The following ATP6V0D1 variants were observed in gnomAD, a reference collection of about 807,000 sequenced individuals.
ATP6V0D1 encodes the protein ATPase H+ transporting V0 subunit d1.
A neutral mutation model predicts 39.0 loss-of-function variants in ATP6V0D1; 13 were observed. The observed-to-expected ratio is 0.33, with a 90% CI of 0.22 to 0.53. The LOEUF is 0.53. ATP6V0D1 is among the 20% of genes least tolerant of loss of function. The pLI, the probability that ATP6V0D1 is intolerant of heterozygous loss-of-function variation, is 0.94. For missense variants in ATP6V0D1, 272 were observed against 470.9 expected (o/e 0.58, Z 3.91); for synonymous variants, 191 against 191.2 (o/e 1.00, Z 0.01).
intron 4 of ATP6V0D1, among the ~76,000 whole-genome samples, chr16:67,442,162 G>A (rs2041060217): frequency 6.6e-6 from 1 of 152,270 alleles, no homozygotes; most frequent in South Asian, 2.1e-4. Context: ...AACCCTCACT[G>A]TGCTCTGGCC....
intron 2 of ATP6V0D1, chr16:67,452,526 G>A (rs2041193089): frequency 8.4e-6 from 7 of 830,446 alleles, no homozygotes; most frequent in Admixed American, 8.0e-5. Flanking sequence ...AAGAGTGGGG[G>A]CACCATAATC....
In ATP6V0D1 at chr16:67,445,000, A is replaced by T. The variant is rs1004994529; in HGVS notation, c.303-294T>A. Among the ~76,000 whole-genome samples, 3 of 152,210 alleles carry T rather than the reference A, an allele frequency of 2.0e-5. No individual in the cohort carries two copies. The highest frequency in any genetic ancestry group is 7.2e-5 in the African/African-American group (3 of 41,446). On this transcript the variant is annotated intron_variant, in intron 2 of 7. Transcript: ENST00000290949. This position sits in a 1 kb window ranked among gnomAD's most constrained non-coding sequence, Gnocchi z 4.8. ...CACGAGCTAACTACCCCACAGCATGAACAGTGTTCTAACAGGACACAGGAA... is the reference window on the plus strand; with the variant it reads ...CACGAGCTAACTACCCCACAGCATGTACAGTGTTCTAACAGGACACAGGAA...
At chr16:67,443,226 A>C (rs2041074734) in intron 3 of ATP6V0D1, 48 bp from the exon 4 acceptor site, 1 of 1,585,894 alleles carries the variant, frequency 6.3e-7, no homozygotes, top group Non-Finnish European at 8.7e-7. Context: ...CCTAGGCCAG[A>C]ATCCTGATGT....
intron 1 of ATP6V0D1, among the ~76,000 whole-genome samples, chr16:67,466,106 T>C (rs1395063230): frequency 1.3e-5 from 2 of 152,120 alleles, no homozygotes; most frequent in African/African-American, 2.4e-5. Context: ...CTCAGACTCC[T>C]GGTCAGCATC....
chr16:67,468,334 T>C (rs1316616299), intron 1 of ATP6V0D1, among the ~76,000 whole-genome samples: 1 of 151,776 alleles, frequency 6.6e-6, no homozygotes, highest in Non-Finnish European at 1.5e-5. Context: ...ATGCATGTAA[T>C]CCCAGTACTT....
chr16:67,463,483 C>T (rs1232711859), intron 1 of ATP6V0D1, among the ~76,000 whole-genome samples: 1 of 151,136 alleles, frequency 6.6e-6, no homozygotes, highest in Non-Finnish European at 1.5e-5. Context: ...GTGTTCATGC[C>T]ACTGTCCTCC....
At chr16:67,459,833 C>T (rs1002471272) in intron 1 of ATP6V0D1, among the ~76,000 whole-genome samples, 1 of 152,256 alleles carries the variant, frequency 6.6e-6, no homozygotes, top group African/African-American at 2.4e-5. Flanking sequence ...GTTGGTCCCA[C>T]ATGCCCCAGG....
chr16:67,450,288 C>G (rs781233020), intron 2 of ATP6V0D1, among the ~76,000 whole-genome samples: 3 of 152,182 alleles, frequency 2.0e-5, no homozygotes, highest in Non-Finnish European at 2.9e-5. Context: ...TTCCCTCAAC[C>G]TAAAAACCCC....
chr16:67,442,877 C>G (rs115435620), intron 4 of ATP6V0D1, among the ~76,000 whole-genome samples: 4,489 of 152,252 alleles, frequency 0.029, 100 homozygotes, highest in South Asian at 0.063. Context: ...GCCACTCCTG[C>G]TGATTTTATC....
Position 67,444,390 on chromosome 16 carries a change from A to T in ATP6V0D1, c.481+138T>A, listed in dbSNP as rs1284889129. 1 of 878,662 alleles carries T rather than the reference A, an allele frequency of 1.1e-6. No homozygotes were observed. Among genetic ancestry groups the T allele is most frequent in the Non-Finnish European group, 1.7e-6 (1 of 596,414 alleles). 54.4% of individuals were successfully genotyped at this position (878,662 alleles called of 1,614,324 possible). ...GGAGAGAATCGGAGGAGGAAGTTGA[A>T]GGGAGACAAAGGTAAGCAGCAGTGG... On this transcript the variant is annotated intron_variant, in intron 3 of 7. Transcript: ENST00000290949. This position sits in a 1 kb window ranked among gnomAD's most constrained non-coding sequence, Gnocchi z 4.8.
In ATP6V0D1 at chr16:67,469,314, A is replaced by C. The variant is rs181978625; in HGVS notation, c.130+11643T>G. On this transcript the variant is annotated intron_variant, in intron 1 of 7. Coordinates refer to ENST00000290949, the MANE Select transcript of ATP6V0D1 (RefSeq NM_004691.5). ...CAAAGCAAGACTCCTTCTCAAAATAAATAAATAAATAAATAAATAATAAAA... is the reference window on the plus strand; with the variant it reads ...CAAAGCAAGACTCCTTCTCAAAATACATAAATAAATAAATAAATAATAAAA... 1.1e-3 allele frequency among the ~76,000 whole-genome samples: 164 copies of C among 152,200 alleles called. 1 individual carries two copies. In the Middle Eastern group the frequency reaches 0.014, roughly 13 times the overall value.
At position 67,438,471 on chromosome 16, in the gene ATP6V0D1, GCGCACA is replaced by G. The variant is rs1228890357; in HGVS notation, c.*51_*56del. 9 of 1,522,674 alleles carry G rather than the reference GCGCACA, an allele frequency of 5.9e-6. No homozygotes were observed. Among genetic ancestry groups the G allele is most frequent in the Non-Finnish European group, 8.1e-6 (9 of 1,114,252 alleles). 94.3% of individuals were successfully genotyped at this position (1,522,674 alleles called of 1,614,324 possible). ...CACATACACACACACGCACACACAC[GCGCACA>G]CACACACACACACACACAAAGAGTG... is the stretch of plus-strand genomic sequence containing the variant. On this transcript the variant is annotated 3_prime_UTR_variant, in exon 8 of 8. Coordinates refer to ENST00000290949, the MANE Select transcript of ATP6V0D1 (RefSeq NM_004691.5).
At chr16:67,439,568 T>C in intron 4 of ATP6V0D1, 1 of 594,320 alleles carries the variant, frequency 1.7e-6, no homozygotes, top group Non-Finnish European at 3.0e-6. Context: ...CACCCAGGAG[T>C]GCCAGGGCAG....
At chr16:67,451,148 A>AC (rs1489010717) in intron 2 of ATP6V0D1, among the ~76,000 whole-genome samples, 1 of 151,774 alleles carries the variant, frequency 6.6e-6, no homozygotes, top group Non-Finnish European at 1.5e-5. Context: ...AGCAAGGATG[A>AC]CCCCCCACTC....
At position 67,452,166 on chromosome 16, in the gene ATP6V0D1, G is replaced by A. The variant is rs191527846; in HGVS notation, c.302+1378C>T. 1,007 of 1,497,850 alleles carry A rather than the reference G, an allele frequency of 6.7e-4. 1 individual carries two copies. Among genetic ancestry groups the A allele is most frequent in the Admixed American group, 7.8e-4 (37 of 47,728 alleles). 92.8% of individuals were successfully genotyped at this position (1,497,850 alleles called of 1,614,324 possible). ...ATCAACAGATGGGGAGCTGCAATGT[G>A]ACCCCTAATGTAGCACCACAAGAGA... is the stretch of plus-strand genomic sequence containing the variant. On this transcript the variant is annotated intron_variant, in intron 2 of 7. Coordinates refer to ENST00000290949, the MANE Select transcript of ATP6V0D1 (RefSeq NM_004691.5).
At chr16:67,443,651 G>T (rs1394913459) in intron 3 of ATP6V0D1, among the ~76,000 whole-genome samples, 3 of 152,172 alleles carry the variant, frequency 2.0e-5, no homozygotes, top group Non-Finnish European at 2.9e-5. Context: ...GACCCAGGGG[G>T]CCACTGTGGG....
chr16:67,477,653 T>C (rs967134677), intron 1 of ATP6V0D1, among the ~76,000 whole-genome samples: 1 of 152,012 alleles, frequency 6.6e-6, no homozygotes, highest in Non-Finnish European at 1.5e-5. Flanking sequence ...TTGTATATGT[T>C]TGACAGTATC....
chr16:67,468,579 C>T (rs986033245), intron 1 of ATP6V0D1, among the ~76,000 whole-genome samples: 2 of 145,788 alleles, frequency 1.4e-5, no homozygotes, highest in Non-Finnish European at 3.0e-5. Flanking sequence ...CAGAGCAAGA[C>T]CCAGTCTCAA....
intron 1 of ATP6V0D1, among the ~76,000 whole-genome samples, chr16:67,479,725 C>G (rs946677036): frequency 1.3e-5 from 2 of 152,146 alleles, no homozygotes; most frequent in African/African-American, 4.8e-5. Context: ...ATCCTCCCCC[C>G]ACCCAGCTAC....
Sources: allele counts gnomAD v4.1 joint callset (sites outside exome capture counted in the v4.1 genomes callset), GRCh38; gene constraint gnomAD v4.1.1; non-coding constraint Gnocchi (gnomAD v3.1); transcripts MANE v1.5; gene names NCBI Gene and HGNC (gene_info 2026-07-23, HGNC 2026-07-21).